JARID2: variants seen among roughly 807,000 people sequenced by gnomAD.
JARID2 encodes jumonji and AT-rich interaction domain containing 2.
JARID2 carries 21 observed loss-of-function variants against 125.6 expected under a neutral mutation model. The observed-to-expected ratio is 0.17, with a 90% CI of 0.12 to 0.24. JARID2 has a LOEUF of 0.24. Among genes scored for constraint, JARID2 ranks in the 10% least tolerant of loss-of-function variants. JARID2 has a pLI of 1.00. For missense variants in JARID2, 1,303 were observed against 1,639.6 expected, an observed-to-expected ratio of 0.79 and a Z score of 3.55; for synonymous variants, 736 against 661.6, an observed-to-expected ratio of 1.11 and a Z score of -1.73.
intron 5 of JARID2, among the ~76,000 whole-genome samples, chr6:15,477,927 C>T (rs561876078): frequency 6.6e-6 from 1 of 152,156 alleles, no homozygotes; most frequent in South Asian, 2.1e-4. Flanking sequence ...TCAGCCATTA[C>T]CCTTGAGTGT....
chr6:15,484,011 C>T (rs575477622), intron 5 of JARID2, among the ~76,000 whole-genome samples: 67 of 152,206 alleles, frequency 4.4e-4, no homozygotes, highest in African/African-American at 1.3e-3. Context: ...TACCATTTTT[C>T]GTGCCATCAG....
At chr6:15,449,083 C>G (rs887345996) in intron 3 of JARID2, among the ~76,000 whole-genome samples, 5 of 152,062 alleles carry the variant, frequency 3.3e-5, no homozygotes, top group Admixed American at 1.3e-4. Context: ...CGGAATATCC[C>G]CGTCACCCTA....
rs186949741 is a variant in JARID2, at chr6:15,442,022, T to A, written c.324-9984T>A. On this transcript the variant is annotated intron_variant, in intron 3 of 17. Transcript: ENST00000341776. ...GTCTCAAACTCCTGACCTCAGGTGA[T>A]CCCCCACGCCTGGCCTGGATTTTTA... Among the ~76,000 whole-genome samples the A allele has an allele frequency of 1.8e-3, 277 of 151,994 alleles. 1 individual carries two copies. The highest frequency in any genetic ancestry group is 2.9e-3 in the Non-Finnish European group (199 of 67,996).
chr6:15,299,225 G>C (rs901704783), intron 1 of JARID2, among the ~76,000 whole-genome samples: 1 of 152,154 alleles, frequency 6.6e-6, no homozygotes, highest in Non-Finnish European at 1.5e-5. Flanking sequence ...CCAAAGTCTT[G>C]TAAAGAACGT....
At chr6:15,326,211 C>T (rs769355209) in intron 1 of JARID2, among the ~76,000 whole-genome samples, 44 of 152,032 alleles carry the variant, frequency 2.9e-4, no homozygotes, top group South Asian at 8.3e-4. Flanking sequence ...TGAAGCAAAT[C>T]TCAGACATTT....
chr6:15,450,654 G>A (rs1408867516), intron 3 of JARID2, among the ~76,000 whole-genome samples: 1 of 152,148 alleles, frequency 6.6e-6, no homozygotes, highest in African/African-American at 2.4e-5. Context: ...AGGTCTAGGT[G>A]AACAGTTTAA....
At chr6:15,516,526 G>C (rs1490521989) in intron 16 of JARID2, among the ~76,000 whole-genome samples, 2 of 152,240 alleles carry the variant, frequency 1.3e-5, no homozygotes, top group African/African-American at 4.8e-5. Context: ...CCGCCCAAGG[G>C]GGCCGGGGCT....
intron 12 of JARID2, 101 bp from the exon 13 acceptor site, chr6:15,511,195 T>G (rs1771261048): frequency 1.8e-6 from 1 of 564,412 alleles, no homozygotes; most frequent in Non-Finnish European, 3.0e-6. Context: ...GAGCAGAGCC[T>G]CTCGTGTGCT....
intron 3 of JARID2, among the ~76,000 whole-genome samples, chr6:15,426,798 T>C (rs766412529): frequency 6.6e-6 from 1 of 152,002 alleles, no homozygotes; most frequent in Non-Finnish European, 1.5e-5. Flanking sequence ...TACAAGGAGG[T>C]CAGGAGATTT....
chr6:15,249,485 G>A (rs1251588881), intron 1 of JARID2, among the ~76,000 whole-genome samples: 1 of 152,222 alleles, frequency 6.6e-6, no homozygotes, highest in East Asian at 1.9e-4. Context: ...GTTCTTCTGA[G>A]CAGGGAAACC....
intron 4 of JARID2, among the ~76,000 whole-genome samples, chr6:15,463,254 T>C (rs1028221706): frequency 2.0e-5 from 3 of 152,140 alleles, no homozygotes; most frequent in African/African-American, 7.2e-5. Flanking sequence ...ATACAGCTTT[T>C]GTTGGTTACT....
In JARID2 at chr6:15,400,884, G is replaced by T; in HGVS notation, c.182-9340G>T. The T allele has an allele frequency of 5.4e-6, 7 of 1,288,000 alleles. 1 individual carries two copies. In the South Asian group the frequency reaches 7.4e-5, roughly 14 times the overall value. The allele number at this position is 1,288,000 out of a possible 1,614,324, so 79.8% of individuals were successfully genotyped here. A position where few individuals can be genotyped will look rare whatever the true frequency, so the allele number is the denominator to read the frequency against. ...AGTGCTCCGGAGCCTGCCTCACTGC[G>T]CTCTTCCTCCCTCCCTCCCTCTGTC... On this transcript the variant is annotated intron_variant, in intron 2 of 17. Coordinates refer to ENST00000341776, the MANE Select transcript of JARID2 (RefSeq NM_004973.4).
intron 1 of JARID2, among the ~76,000 whole-genome samples, chr6:15,259,346 T>C (rs1314284820): frequency 1.3e-5 from 2 of 152,208 alleles, no homozygotes; most frequent in African/African-American, 4.8e-5. Context: ...TGTTGGAGGA[T>C]GAAAGAGCTG....
At chr6:15,461,471 T>C (rs1768445532) in intron 4 of JARID2, among the ~76,000 whole-genome samples, 1 of 152,186 alleles carries the variant, frequency 6.6e-6, no homozygotes, top group South Asian at 2.1e-4. Flanking sequence ...AAGGAAAGAC[T>C]GGCCATGCAT....
intron 3 of JARID2, among the ~76,000 whole-genome samples, chr6:15,415,827 C>T (rs1161255815): frequency 3.7e-5 from 5 of 135,732 alleles, no homozygotes; most frequent in East Asian, 2.3e-4. Flanking sequence ...GGGGCTGACC[C>T]CCCCACCTCC....
At chr6:15,379,146 G>GT (rs1764484452) in intron 2 of JARID2, among the ~76,000 whole-genome samples, 1 of 151,820 alleles carries the variant, frequency 6.6e-6, no homozygotes, top group African/African-American at 2.4e-5. Context: ...TGTTTTTGTG[G>GT]TTTTACAGTG....
chr6:15,389,616 TAC>T (rs563938915), intron 2 of JARID2, among the ~76,000 whole-genome samples: 111 of 152,318 alleles, frequency 7.3e-4, no homozygotes, highest in African/African-American at 2.6e-3. Context: ...TGGAAAGTGT[TAC>T]AGAGTTTTAA....
intron 3 of JARID2, among the ~76,000 whole-genome samples, chr6:15,433,561 G>A (rs1231296086): frequency 6.6e-6 from 1 of 152,058 alleles, no homozygotes. Flanking sequence ...CAAACAATGT[G>A]ATTTAATCTT....
chr6:15,489,887 C>G lies in JARID2; in HGVS notation c.906+2345C>G, dbSNP rs544736112. On this transcript the variant is annotated intron_variant, in intron 6 of 17. Transcript: ENST00000341776. ...CCACTTTCTCCCTCTTCCCTCTCCT[C>G]CTCCTTCCCTGTTCCAGTCTAACCA... Among the ~76,000 whole-genome samples the G allele has an allele frequency of 4.6e-5, 7 of 152,336 alleles. No homozygotes were observed. In the South Asian group the frequency reaches 1.4e-3, roughly 32 times the overall value.
Sources: gnomAD v4.1 joint callset for allele counts (sites outside exome capture counted in the v4.1 genomes callset) on GRCh38, gnomAD v4.1.1 for gene constraint, MANE v1.5 for transcripts, NCBI Gene and HGNC (gene_info 2026-07-23, HGNC 2026-07-21) for gene names.